EFCAB12: variants seen among roughly 807,000 people sequenced by gnomAD.
EFCAB12 encodes EF-hand calcium-binding domain-containing protein 12.
EFCAB12 carries 43 observed loss-of-function variants against 53.6 expected under a neutral mutation model. That is an observed-to-expected ratio of 0.80 (90% confidence interval 0.63 to 1.03). EFCAB12 has a LOEUF of 1.03. Ranked by LOEUF, EFCAB12 falls within the 50% of genes least tolerant of loss-of-function variation. The probability of loss-of-function intolerance (pLI) is 0.00; values close to 1 mark genes in which losing one functional copy is unlikely to be tolerated. For synonymous variants in EFCAB12, 269 were observed against 289.2 expected (o/e 0.93, Z 0.71); for missense variants, 646 against 730.6 (o/e 0.88, Z 1.34).
At chr3:129,413,495 GCT>G (rs1296546611) in intron 4 of EFCAB12, 1 of 152,236 alleles carries the variant, frequency 6.6e-6, no homozygotes, top group Non-Finnish European at 1.5e-5. Context: ...AGATAGGGAA[GCT>G]AAAAGCAGAC....
chr3:129,425,862 T>A (rs72986940), intron 1 of EFCAB12, among the ~76,000 whole-genome samples: 6,199 of 152,308 alleles, frequency 0.041, 379 homozygotes, highest in African/African-American at 0.12. Flanking sequence ...ATACATCTCC[T>A]GTGACGTGGA....
intron 5 of EFCAB12, 39 bp downstream of exon 5, chr3:129,411,119 G>A (rs372059074): frequency 6.5e-7 from 1 of 1,540,586 alleles, no homozygotes; most frequent in African/African-American, 1.4e-5. Context: ...AGCTGCTCCA[G>A]TCCCCAAGCC....
At position 129,415,330 on chromosome 3, in the gene EFCAB12, G is replaced by T. The variant is rs751036998; in HGVS notation, c.753C>A (p.Asn251Lys). 6.2e-7 allele frequency: 1 copy of T among 1,613,646 alleles called. No individual in the cohort carries two copies. Among genetic ancestry groups the T allele is most frequent in the East Asian group, 2.2e-5 (1 of 44,876 alleles). ...VIYLSSLGKHNTITMDILANT... is the reference protein window; with the variant it reads ...VIYLSSLGKHKTITMDILANT... The stretch of plus-strand genomic sequence containing the variant: ...TGGCCAGGATATCCATGGTGATGGT[G>T]TTGTGCTTCCCAAGAGAGCTGAGGT... Residue 251 changes from asparagine (N) to lysine (K), a missense_variant, in exon 4 of 9, where the codon AAC (asparagine) becomes AAA (lysine). Physicochemically the swap from Asn to Lys is moderately conservative, Grantham distance 94. Transcript: ENST00000505956.
At chr3:129,426,522 G>A (rs1309838429) in intron 1 of EFCAB12, among the ~76,000 whole-genome samples, 5 of 151,534 alleles carry the variant, frequency 3.3e-5, no homozygotes, top group East Asian at 1.9e-4. Context: ...CTGCCACCAC[G>A]ACCGGCTAAT....
In EFCAB12 at chr3:129,408,735, C is replaced by G. The variant is rs2071987518; in HGVS notation, c.1159G>C (p.Ala387Pro). 1 of 1,584,858 alleles carries G rather than the reference C, an allele frequency of 6.3e-7. No individual in the cohort carries two copies. Among genetic ancestry groups the G allele is most frequent in the African/African-American group, 1.3e-5 (1 of 74,288 alleles). ...TAGACCAGAAAGTTGTGCCTGCGGG[C>G]CGAGTCAATGAGCTCCCTCATATCC... ...HGDMRELIDS[A>P]RRHNFLVYLQ... Residue 387 changes from alanine (A) to proline (P), a missense_variant, in exon 6 of 9, where the codon GCC becomes CCC. Physicochemically the swap from Ala to Pro is conservative, Grantham distance 27. Coordinates refer to ENST00000505956, the MANE Select transcript of EFCAB12 (RefSeq NM_207307.3).
chr3:129,405,067 G>C (rs570135649), intron 6 of EFCAB12, among the ~76,000 whole-genome samples: 1 of 152,100 alleles, frequency 6.6e-6, no homozygotes, highest in Non-Finnish European at 1.5e-5. Flanking sequence ...TACCTACCCC[G>C]GCCTCCCAAA....
At chr3:129,411,658 G>A (rs2072042098) in intron 4 of EFCAB12, 1 of 226,126 alleles carries the variant, frequency 4.4e-6, no homozygotes, top group Admixed American at 5.3e-5. Context: ...AGTATAGCCA[G>A]GCGCGGTGGC....
intron 1 of EFCAB12, among the ~76,000 whole-genome samples, chr3:129,425,881 C>T (rs1358594356): frequency 6.6e-6 from 1 of 152,200 alleles, no homozygotes; most frequent in African/African-American, 2.4e-5. Flanking sequence ...GAACTTTCTA[C>T]TTAACATGGT....
chr3:129,411,430 C>A (rs2072039118), intron 4 of EFCAB12, 76 bp from the exon 5 acceptor site: 2 of 1,436,406 alleles, frequency 1.4e-6, no homozygotes, highest in Admixed American at 4.4e-5. Flanking sequence ...AAGCAGTTAT[C>A]CAGTGTCACC....
At chr3:129,405,828 G>T (rs2071942520) in intron 6 of EFCAB12, among the ~76,000 whole-genome samples, 1 of 152,126 alleles carries the variant, frequency 6.6e-6, no homozygotes, top group African/African-American at 2.4e-5. Flanking sequence ...ATGGATTTGG[G>T]CCTAGTCCCA....
In EFCAB12 at chr3:129,404,403, G is replaced by A. The variant is rs767084895; in HGVS notation, c.1250C>T (p.Ala417Val). The change falls in exon 7 of 9, where the codon GCC becomes GTC. Residue 417 changes from alanine to valine, a missense_variant and splice_region_variant. Transcript: ENST00000505956. ...GATCTTGTCTCCTGGGTACAGCAAG[G>A]CTGTGGACAGCAAGAGAAACATCTG... ...LPLTEDILMK[A>V]LLYPGDKIIF... is the part of the protein sequence containing the mutation. 6.2e-7 allele frequency: 1 copy of A among 1,612,240 alleles called. No individual in the cohort carries two copies. Among genetic ancestry groups the A allele is most frequent in the Non-Finnish European group, 8.5e-7 (1 of 1,179,074 alleles).
chr3:129,419,990 G>C (rs931725595), intron 2 of EFCAB12, among the ~76,000 whole-genome samples: 2 of 152,316 alleles, frequency 1.3e-5, no homozygotes, highest in Non-Finnish European at 2.9e-5. Context: ...AAGGAATCAG[G>C]CTCAGAGATG....
intron 2 of EFCAB12, 194 bp from the exon 3 acceptor site, chr3:129,418,642 G>C: frequency 4.5e-6 from 2 of 447,170 alleles, no homozygotes; most frequent in East Asian, 6.7e-5. Flanking sequence ...TCTGAGCCTT[G>C]GTTTTCTCAT....
intron 2 of EFCAB12, among the ~76,000 whole-genome samples, chr3:129,420,304 C>T (rs2072172946): frequency 6.6e-6 from 1 of 152,048 alleles, no homozygotes; most frequent in South Asian, 2.1e-4. Flanking sequence ...TCATAGCGAC[C>T]CCAGGAGGTA....
chr3:129,420,717 T>G (rs1195534944), intron 2 of EFCAB12, among the ~76,000 whole-genome samples: 1 of 151,776 alleles, frequency 6.6e-6, no homozygotes, highest in Non-Finnish European at 1.5e-5. Flanking sequence ...CCACAAACTC[T>G]TCTGCTTCCC....
chr3:129,411,176 C>T lies in EFCAB12; in HGVS notation c.1017G>A (p.Glu339=). ...GAGGTACCTTGTGCTGTCGCTGCCG[C>T]TCGCGGTACCGCTTGCCCACTTCCT... ...EMEEVGKRYR[E]RQRQHKLTIP... Residue 339 remains glutamate, a synonymous_variant, in exon 5 of 9, where the codon GAG becomes GAA. Coordinates refer to ENST00000505956, the MANE Select transcript of EFCAB12 (RefSeq NM_207307.3). The T allele has an allele frequency of 6.2e-7, 1 of 1,600,832 alleles. No homozygotes were observed. Among genetic ancestry groups the T allele is most frequent in the Non-Finnish European group, 8.5e-7 (1 of 1,173,774 alleles).
At chr3:129,417,333 A>C (rs868404483) in intron 3 of EFCAB12, among the ~76,000 whole-genome samples, 1,496 of 138,110 alleles carry the variant, frequency 0.011, 32 homozygotes, top group African/African-American at 0.039. Context: ...CAAAAAAAAA[A>C]AAAAAACCAA....
At chr3:129,411,096 T>G (rs1577042071) in intron 5 of EFCAB12, 62 bp downstream of exon 5, 6 of 1,516,170 alleles carry the variant, frequency 4.0e-6, no homozygotes, top group Non-Finnish European at 4.4e-6. Context: ...GCTGCTGCGG[T>G]GATCTGAACC....
chr3:129,418,041 T>C (rs140575479), intron 3 of EFCAB12, among the ~76,000 whole-genome samples: 66 of 152,284 alleles, frequency 4.3e-4, no homozygotes, highest in African/African-American at 1.4e-3. Flanking sequence ...GTCAGACTGG[T>C]GCGGGGCAGA....
Sources: allele counts gnomAD v4.1 joint callset (sites outside exome capture counted in the v4.1 genomes callset), GRCh38; gene constraint gnomAD v4.1.1; transcripts MANE v1.5; gene names NCBI Gene and HGNC (gene_info 2026-07-23, HGNC 2026-07-21).